The following CDH15 variants were observed in gnomAD, a reference collection of about 807,000 sequenced individuals.
The protein encoded by CDH15 is cadherin 15.
Under a neutral mutation model 69.4 loss-of-function variants are expected in CDH15, and 73 were observed. The ratio of observed to expected loss-of-function variants is 1.05; its 90% CI spans 0.87 to 1.28. The LOEUF is 1.28. Ranked by LOEUF, CDH15 falls within the 50% of genes most tolerant of loss-of-function variation. The pLI is 0.00. For synonymous variants in CDH15, 624 were observed against 507.7 expected, an observed-to-expected ratio of 1.23 and a Z score of -3.08; for missense variants, 1,343 against 1,133.6, an observed-to-expected ratio of 1.18 and a Z score of -2.65.
At chr16:89,186,923 G>A (rs1379698916) in intron 5 of CDH15, among the ~76,000 whole-genome samples, 4 of 138,128 alleles carry the variant, frequency 2.9e-5, no homozygotes, top group Non-Finnish European at 4.6e-5. Context: ...CTCTGTAAAC[G>A]CTTACCCAGC....
At chr16:89,187,929 C>T (rs907132428) in intron 6 of CDH15, among the ~76,000 whole-genome samples, 171 bp from the exon 7 acceptor site, 1 of 151,142 alleles carries the variant, frequency 6.6e-6, no homozygotes, top group Non-Finnish European at 1.5e-5. Context: ...AACAGACAAA[C>T]CTGAGGACAC....
rs193112431 is a variant in CDH15 at position 89,174,116 on chromosome 16, G to A, written c.42+2243G>A. Among the ~76,000 whole-genome samples, 517 of 152,330 alleles carry A rather than the reference G, an allele frequency of 3.4e-3. 2 individuals carry two copies. Among genetic ancestry groups the A allele is most frequent in the African/African-American group, 0.012 (490 of 41,570 alleles). On this transcript the variant is annotated intron_variant, in intron 1 of 13. Coordinates refer to ENST00000289746, the MANE Select transcript of CDH15 (RefSeq NM_004933.3). ...CAGTGGAAGGACAGCCCCAGACACC[G>A]TGCTTTGGAGGGGACAGCTGCCTCC... is the stretch of plus-strand genomic sequence containing the variant.
rs753905917 is a variant in CDH15 at position 89,180,260 on chromosome 16, G to C, written c.262G>C (p.Asp88His). The C allele has an allele frequency of 1.2e-6, 2 of 1,610,532 alleles. No individual in the cohort carries two copies. Among genetic ancestry groups the C allele is most frequent in the Non-Finnish European group, 1.7e-6 (2 of 1,178,614 alleles). Residue 88 changes from aspartate (D) to histidine (H), a missense_variant, in exon 3 of 14, where the codon GAT becomes CAT. By Grantham distance (81) the Asp-to-His change is moderately conservative. Transcript: ENST00000289746. ...CTACAGCATCCAGGGACCCGGCGTG[G>C]ATGAGGAGCCCCGGGGCGTCTTCTC... is the stretch of plus-strand genomic sequence containing the variant. ...VIYSIQGPGVDEEPRGVFSID... is the reference protein window; with the variant it reads ...VIYSIQGPGVHEEPRGVFSID...
chr16:89,179,094 G>A (rs996505211), intron 1 of CDH15, among the ~76,000 whole-genome samples: 4 of 152,224 alleles, frequency 2.6e-5, no homozygotes, highest in East Asian at 3.8e-4. Flanking sequence ...CCATGCACTC[G>A]CCAGGGGCTG....
chr16:89,186,713 T>A (rs535434611), intron 5 of CDH15, among the ~76,000 whole-genome samples: 2 of 132,058 alleles, frequency 1.5e-5, no homozygotes, highest in South Asian at 2.5e-4. Flanking sequence ...CAGCGCACAG[T>A]AGGTGCTCTG....
In CDH15 at chr16:89,180,359, C is replaced by A. The variant is rs765286825; in HGVS notation, c.357+4C>A. 2 of 1,610,516 alleles carry A rather than the reference C, an allele frequency of 1.2e-6. No homozygotes were observed. The highest frequency in any genetic ancestry group is 2.2e-5 in the South Asian group (2 of 90,490). On this transcript the variant is annotated splice_donor_region_variant and intron_variant, in intron 3 of 13. Transcript: ENST00000289746. ...CGAGAAGACTGATCGCTTCAGGGTG[C>A]GGAGCTGCGTGGTCGGACCTGTGCC...
chr16:89,183,782 G>T (rs763869552), intron 4 of CDH15, 90 bp downstream of exon 4: 2 of 1,344,242 alleles, frequency 1.5e-6, no homozygotes, highest in East Asian at 5.0e-5. Flanking sequence ...AATTCCAGAG[G>T]CCCCTCAGAG....
chr16:89,192,451 G>C lies in CDH15; in HGVS notation c.1855+7G>C, dbSNP rs764309530. On this transcript the variant is annotated splice_region_variant and intron_variant, in intron 11 of 13. Coordinates refer to ENST00000289746, the MANE Select transcript of CDH15 (RefSeq NM_004933.3). ...AGCGCCCTCCTGCTGCTGGGTGAGT[G>C]AGCGCCCCGCCTCCACCTGGACCCT... 6.4e-7 allele frequency: 1 copy of C among 1,561,946 alleles called. No homozygotes were observed. The highest frequency in any genetic ancestry group is 1.2e-5 in the South Asian group (1 of 86,360).
rs748042060 is a variant in CDH15, at chr16:89,194,948, G to A, written c.2238G>A (p.Ala746=). Residue 746 remains alanine, a synonymous_variant, in exon 14 of 14, where the codon GCG becomes GCA. Transcript: ENST00000289746. Reference sequence around the variant, plus strand: ...ACTACGAGGGTGACGGCTCGGTGGCGGGGACGCTGAGCTCCATCCTGTCCA... The same window carrying A: ...ACTACGAGGGTGACGGCTCGGTGGCAGGGACGCTGAGCTCCATCCTGTCCA... ...IYDYEGDGSV[A]GTLSSILSSQ... 54 of 1,608,584 alleles carry A rather than the reference G, an allele frequency of 3.4e-5. No homozygotes were observed. Among genetic ancestry groups the A allele is most frequent in the South Asian group, 1.4e-4 (13 of 90,372 alleles).
intron 1 of CDH15, among the ~76,000 whole-genome samples, chr16:89,172,202 C>A (rs1392256924): frequency 6.6e-6 from 1 of 152,152 alleles, no homozygotes; most frequent in South Asian, 2.1e-4. Context: ...GGTTGCCAGT[C>A]TTGAGTGGAG....
At chr16:89,183,907 T>G (rs1302938813) in intron 4 of CDH15, among the ~76,000 whole-genome samples, 1 of 150,574 alleles carries the variant, frequency 6.6e-6, no homozygotes, top group African/African-American at 2.5e-5. Context: ...GGAGTGGAGG[T>G]TTTTCAGGGG....
At chr16:89,178,036 T>C (rs902548192) in intron 1 of CDH15, among the ~76,000 whole-genome samples, 1 of 152,214 alleles carries the variant, frequency 6.6e-6, no homozygotes, top group African/African-American at 2.4e-5. Flanking sequence ...GGTGACCGCA[T>C]TTTTAAAACC....
Position 89,191,658 on chromosome 16 carries a change from C to G in CDH15, c.1379C>G (p.Ser460Cys). The change falls in exon 10 of 14, where the codon TCC (serine) becomes TGC (cysteine). Residue 460 changes from serine to cysteine, a missense_variant. Coordinates refer to ENST00000289746, the MANE Select transcript of CDH15 (RefSeq NM_004933.3). The part of the protein sequence containing the change: ...RAIVLAQDDA[S>C]QPRTATGTLS... ...GCCGCGGCCTCCTCGCCTGCAGCCT[C>G]CCAGCCCCGCACCGCCACCGGCACC... 1.3e-6 allele frequency: 2 copies of G among 1,587,000 alleles called. No individual in the cohort carries two copies. The highest frequency in any genetic ancestry group is 1.7e-6 in the Non-Finnish European group (2 of 1,171,790).
chr16:89,192,209 C>A lies in CDH15; in HGVS notation c.1620C>A (p.Ser540Arg). ...RNWSLSQVNV[S>R]HARLRPRHQV... ...CACCACAGGCGCCCTCCGCAGTGAG[C>A]CACGCGCGCCTGCGGCCGCGACACC... The change falls in exon 11 of 14, where the codon AGC (serine) becomes AGA (arginine). Residue 540 changes from serine (S) to arginine (R), a missense_variant. Transcript: ENST00000289746. 6.5e-7 allele frequency: 1 copy of A among 1,528,920 alleles called. No individual in the cohort carries two copies. The highest frequency in any genetic ancestry group is 8.7e-7 in the Non-Finnish European group (1 of 1,144,340). 94.7% of individuals were successfully genotyped at this position (1,528,920 alleles called of 1,614,324 possible).
In CDH15 at chr16:89,187,326, C is replaced by T. The variant is rs192942855; in HGVS notation, c.664-103C>T. 9.0e-4 allele frequency: 1,267 copies of T among 1,412,444 alleles called. 1 individual carries two copies. Among genetic ancestry groups the T allele is most frequent in the Non-Finnish European group, 1.1e-3 (1,162 of 1,019,748 alleles). 87.5% of individuals were successfully genotyped at this position (1,412,444 alleles called of 1,614,324 possible). On this transcript the variant is annotated intron_variant, in intron 5 of 13. Transcript: ENST00000289746. The stretch of plus-strand genomic sequence containing the variant: ...GTCTTCAACACCCACTGGGTGCTCC[C>T]GTAGGAACTGAGCTGGCCAGGTGGC...
rs1422037842 is a variant in CDH15 at position 89,171,952 on chromosome 16, G to A, written c.42+79G>A. On this transcript the variant is annotated intron_variant, in intron 1 of 13. Coordinates refer to ENST00000289746, the MANE Select transcript of CDH15 (RefSeq NM_004933.3). ...CAGTGTCTTCAACTGCAGCCGCACA[G>A]GTCTCCCCCAGAACCACTGGCCCTG... 6 of 1,422,418 alleles carry A rather than the reference G, an allele frequency of 4.2e-6. No individual in the cohort carries two copies. In the African/African-American group the frequency reaches 7.1e-5, roughly 17 times the overall value. The allele number at this position is 1,422,418 out of a possible 1,614,324, so 88.1% of individuals were successfully genotyped here. A position where few individuals can be genotyped will look rare whatever the true frequency, so the allele number is the denominator to read the frequency against.
At chr16:89,192,048 C>G (rs1040029831) in intron 10 of CDH15, among the ~76,000 whole-genome samples, 154 bp downstream of exon 10, 1 of 152,070 alleles carries the variant, frequency 6.6e-6, no homozygotes, top group Admixed American at 6.5e-5. Flanking sequence ...TGCATCCTCC[C>G]GTGGGGCAGG....
intron 1 of CDH15, among the ~76,000 whole-genome samples, chr16:89,175,328 A>G (rs893307944): frequency 6.6e-6 from 1 of 152,174 alleles, no homozygotes. Context: ...TGGGGTTCCT[A>G]GAGCCTGGGG....
intron 1 of CDH15, among the ~76,000 whole-genome samples, chr16:89,172,320 T>A (rs882650): frequency 0.24 from 36,576 of 151,820 alleles, 6,334 homozygotes; most frequent in East Asian, 0.74. Context: ...GTCTTGGGTT[T>A]TGTCCAAACC....
Sources: gnomAD v4.1 joint callset for allele counts (sites outside exome capture counted in the v4.1 genomes callset) on GRCh38, gnomAD v4.1.1 for gene constraint, MANE v1.5 for transcripts, NCBI Gene and HGNC (gene_info 2026-07-23, HGNC 2026-07-21) for gene names.